TBXAS1: variants seen among roughly 807,000 people sequenced by gnomAD.
TBXAS1 encodes the protein thromboxane-A synthase.
In TBXAS1, 48 loss-of-function variants were observed where a neutral mutation model predicts 60.7. The ratio of observed to expected loss-of-function variants is 0.79; its 90% confidence interval spans 0.63 to 1.01. The LOEUF is 1.01. Ranked by LOEUF, TBXAS1 falls within the 50% of genes least tolerant of loss-of-function variation. The pLI is 0.00. For missense variants in TBXAS1, 685 were observed against 686.3 expected (o/e 1.00, Z 0.02); for synonymous variants, 287 against 269.7 (o/e 1.06, Z -0.63).
intron 1 of TBXAS1, among the ~76,000 whole-genome samples, chr7:139,849,242 G>A (rs558503384): frequency 5.9e-5 from 9 of 152,040 alleles, no homozygotes; most frequent in South Asian, 2.1e-4. Flanking sequence ...AGCCAGGTGC[G>A]GTGACATGCA....
intron 3 of TBXAS1, among the ~76,000 whole-genome samples, chr7:139,905,474 T>A (rs1257635242): frequency 3.3e-5 from 5 of 152,206 alleles, no homozygotes; most frequent in African/African-American, 1.2e-4. Flanking sequence ...ACCCACCTGA[T>A]GTTCGTGGAT....
chr7:140,019,247 G>C (rs1211144948), intron 12 of TBXAS1, among the ~76,000 whole-genome samples: 1 of 152,214 alleles, frequency 6.6e-6, no homozygotes, highest in Non-Finnish European at 1.5e-5. Flanking sequence ...CTCTGGGCTG[G>C]AGACAGGGAG....
chr7:139,811,808 T>G (rs1483114044), intron 4 of TBXAS1, among the ~76,000 whole-genome samples: 1 of 152,212 alleles, frequency 6.6e-6, no homozygotes, highest in East Asian at 1.9e-4. Context: ...GAATGAGAAA[T>G]GCCCCCTTTA....
At chr7:139,867,105 A>G (rs1801476838) in intron 1 of TBXAS1, among the ~76,000 whole-genome samples, 1 of 152,244 alleles carries the variant, frequency 6.6e-6, no homozygotes, top group Admixed American at 6.5e-5. Flanking sequence ...CCATAGAGTA[A>G]CCATGGCAAA....
intron 4 of TBXAS1, chr7:139,914,134 A>C (rs1020522846): frequency 6.7e-6 from 1 of 148,558 alleles, no homozygotes. Flanking sequence ...GGCCCAAGTG[A>C]TCCTCCCACC....
At chr7:139,782,120 T>C (rs527298386) in intron 2 of TBXAS1, among the ~76,000 whole-genome samples, 2 of 151,932 alleles carry the variant, frequency 1.3e-5, no homozygotes, top group East Asian at 3.9e-4. Flanking sequence ...TGGCTAGAGA[T>C]AGTGTGCATT....
At chr7:139,877,344 G>T (rs929979797) in intron 3 of TBXAS1, among the ~76,000 whole-genome samples, 4 of 152,178 alleles carry the variant, frequency 2.6e-5, no homozygotes, top group African/African-American at 9.7e-5. Flanking sequence ...GCTCGATAAA[G>T]GCTCAAGAAA....
chr7:139,818,803 C>T (rs764592431), intron 4 of TBXAS1, among the ~76,000 whole-genome samples: 8 of 152,140 alleles, frequency 5.3e-5, no homozygotes, highest in African/African-American at 9.7e-5. Context: ...CACACATAGA[C>T]GGCTCCAATG....
chr7:139,832,960 C>T (rs1798805689), intron 1 of TBXAS1, among the ~76,000 whole-genome samples: 2 of 152,116 alleles, frequency 1.3e-5, no homozygotes, highest in Non-Finnish European at 1.5e-5. Context: ...GTAAAAGGAG[C>T]TCCAAATCTT....
intron 1 of TBXAS1, among the ~76,000 whole-genome samples, chr7:139,844,394 A>G (rs907709108): frequency 6.6e-5 from 10 of 152,216 alleles, no homozygotes; most frequent in African/African-American, 2.4e-4. Context: ...GCAACAATGT[A>G]TATTTAAGTA....
intron 5 of TBXAS1, among the ~76,000 whole-genome samples, chr7:139,943,800 G>A (rs1808475724): frequency 6.6e-6 from 1 of 152,118 alleles, no homozygotes; most frequent in Admixed American, 6.5e-5. Context: ...GAAGTGATAA[G>A]TTTCATTAGT....
chr7:139,896,839 T>A lies in TBXAS1; in HGVS notation c.237-14386T>A, dbSNP rs1349460403. Among the ~76,000 whole-genome samples, 3 of 152,134 alleles carry A rather than the reference T, an allele frequency of 2.0e-5. No homozygotes were observed. The highest frequency in any genetic ancestry group is 7.2e-5 in the African/African-American group (3 of 41,418). ...TGAAGGGCCCCTGCTTGGTTACAAG[T>A]GAAGAAGCTTAAACTTGCTTCAAAT... On this transcript the variant is annotated intron_variant, in intron 3 of 12. Coordinates refer to ENST00000448866, the MANE Select transcript of TBXAS1 (RefSeq NM_001061.7). This position sits in a 1 kb window ranked among gnomAD's most constrained non-coding sequence, Gnocchi z 4.0.
At chr7:139,819,450 C>G (rs756836929) in intron 4 of TBXAS1, among the ~76,000 whole-genome samples, 2 of 152,094 alleles carry the variant, frequency 1.3e-5, no homozygotes, top group Non-Finnish European at 2.9e-5. Context: ...ATTTGGGGGC[C>G]CCTCATTACA....
At chr7:139,977,707 A>G (rs1811665287) in intron 9 of TBXAS1, among the ~76,000 whole-genome samples, 2 of 152,132 alleles carry the variant, frequency 1.3e-5, no homozygotes, top group African/African-American at 2.4e-5. Context: ...CCTTTCTCTG[A>G]AAATCTCATT....
At chr7:139,855,403 T>C (rs915241455) in intron 1 of TBXAS1, among the ~76,000 whole-genome samples, 2 of 152,000 alleles carry the variant, frequency 1.3e-5, no homozygotes, top group African/African-American at 2.4e-5. Context: ...AGTTGAAGCC[T>C]GAAGTGTGAC....
intron 9 of TBXAS1, among the ~76,000 whole-genome samples, chr7:139,973,571 T>C (rs1811363137): frequency 6.8e-6 from 1 of 146,652 alleles, no homozygotes; most frequent in Non-Finnish European, 1.5e-5. Context: ...TTTTTTTTTT[T>C]AGGTTGTATT....
intron 3 of TBXAS1, among the ~76,000 whole-genome samples, chr7:139,907,857 A>T (rs911605523): frequency 6.6e-6 from 1 of 152,090 alleles, no homozygotes; most frequent in African/African-American, 2.4e-5. Context: ...GATTATTCAG[A>T]TTGCCCACTT....
chr7:139,984,654 G>GAAAGAAA (rs1569522282), intron 9 of TBXAS1, among the ~76,000 whole-genome samples: 1 of 117,994 alleles, frequency 8.5e-6, no homozygotes, highest in African/African-American at 3.1e-5. Context: ...AAGAAAGAAA[G>GAAAGAAA]GGAAGGGGGA....
At chr7:140,010,939 T>G (rs1814556550) in intron 10 of TBXAS1, among the ~76,000 whole-genome samples, 1 of 151,432 alleles carries the variant, frequency 6.6e-6, no homozygotes, top group African/African-American at 2.4e-5. Context: ...TTATTTATAT[T>G]GCCAAAATAG....
Sources: allele counts gnomAD v4.1 joint callset (sites outside exome capture counted in the v4.1 genomes callset), GRCh38; gene constraint gnomAD v4.1.1; non-coding constraint Gnocchi (gnomAD v3.1); transcripts MANE v1.5; gene names NCBI Gene and HGNC (gene_info 2026-07-23, HGNC 2026-07-21).